Variants in ALK observed in about 807,000 individuals in gnomAD.
ALK encodes ALK tyrosine kinase receptor.
Under a neutral mutation model 163.1 loss-of-function variants are expected in ALK, and 74 were observed. That is an observed-to-expected ratio of 0.45 (90% confidence interval 0.38 to 0.55). ALK has a LOEUF of 0.55. ALK is among the 20% of genes least tolerant of loss of function. The pLI is 0.00. For synonymous variants in ALK, 960 were observed against 843.2 expected (o/e 1.14, Z -2.40); for missense variants, 2,063 against 2,105.3 (o/e 0.98, Z 0.39).
rs142120301 is a variant in ALK at position 29,717,673 on chromosome 2, G to C, written c.692C>G (p.Thr231Arg). ...GTGHSSLESP[T>R]NMPSPSPDYF... ...ATCAGGAGAAGGAGAAGGCATGTTTGTTGGTGATTCCAAGGAGCTATGACC... is the reference window on the plus strand; with the variant it reads ...ATCAGGAGAAGGAGAAGGCATGTTTCTTGGTGATTCCAAGGAGCTATGACC... Residue 231 changes from threonine (T) to arginine (R), a missense_variant, in exon 2 of 29, where the codon ACA (threonine) becomes AGA (arginine). Physicochemically the swap from Thr to Arg is moderately conservative, Grantham distance 71. Around this residue, in one of 5 missense-constraint regions of ALK, gnomAD observed 987 missense variants for 939.5 expected, o/e 1.05. Coordinates refer to ENST00000389048, the MANE Select transcript of ALK (RefSeq NM_004304.5). The C allele has an allele frequency of 2.1e-5, 34 of 1,614,124 alleles. No individual in the cohort carries two copies. The African/African-American group carries it at 3.6e-4, about 17-fold the overall frequency.
chr2:29,294,373 A>G (rs1172223398), intron 9 of ALK, among the ~76,000 whole-genome samples: 2 of 152,218 alleles, frequency 1.3e-5, no homozygotes, highest in African/African-American at 2.4e-5. Context: ...TAAGGGTTGG[A>G]TGACTGGTTA....
intron 5 of ALK, among the ~76,000 whole-genome samples, chr2:29,360,399 G>C (rs1668359122): frequency 1.3e-5 from 2 of 152,134 alleles, no homozygotes; most frequent in African/African-American, 4.8e-5. Context: ...TCCTGTCCCT[G>C]GTCTAGCCTC....
intron 25 of ALK, among the ~76,000 whole-genome samples, chr2:29,208,507 TA>T (rs560792374): frequency 2.0e-5 from 3 of 152,118 alleles, no homozygotes; most frequent in African/African-American, 7.2e-5. Context: ...AGCTTGTGGG[TA>T]GTGTTAGAAG....
chr2:29,603,478 G>T (rs1675434448), intron 3 of ALK, among the ~76,000 whole-genome samples: 1 of 152,172 alleles, frequency 6.6e-6, no homozygotes, highest in Admixed American at 6.5e-5. Flanking sequence ...TGTTTTGTCA[G>T]CCTTCAGGTC....
intron 1 of ALK, among the ~76,000 whole-genome samples, chr2:29,863,499 CAATAAG>C (rs1224939302): frequency 1.4e-4 from 21 of 151,320 alleles, no homozygotes; most frequent in African/African-American, 4.6e-4. Context: ...TACAAATGGC[CAATAAG>C]AATATTTTTT....
intron 3 of ALK, among the ~76,000 whole-genome samples, chr2:29,575,476 G>T (rs1298881315): frequency 6.6e-6 from 1 of 152,114 alleles, no homozygotes; most frequent in South Asian, 2.1e-4. Context: ...CTAAAGGATG[G>T]CTATAGCTCT....
chr2:29,328,585 C>G, intron 5 of ALK, 104 bp from the exon 6 acceptor site: 1 of 1,469,660 alleles, frequency 6.8e-7, no homozygotes, highest in South Asian at 1.2e-5. Context: ...ACAGCATTAT[C>G]CTGCCCTGCC....
rs1429536497 is a variant in ALK at position 29,724,435 on chromosome 2, C to T, written c.668-6738G>A. ...CAGCTCTCAGAGAGTACAGGGCAGGCCTGTTTTTGGGACTGGCAGCCCAGG... is the reference window on the plus strand; with the variant it reads ...CAGCTCTCAGAGAGTACAGGGCAGGTCTGTTTTTGGGACTGGCAGCCCAGG... On this transcript the variant is annotated intron_variant, in intron 1 of 28. Coordinates refer to ENST00000389048, the MANE Select transcript of ALK (RefSeq NM_004304.5). 2.6e-5 allele frequency among the ~76,000 whole-genome samples: 4 copies of T among 152,126 alleles called. No homozygotes were observed. In the East Asian group the frequency reaches 5.8e-4, roughly 22 times the overall value.
intron 13 of ALK, among the ~76,000 whole-genome samples, chr2:29,233,925 G>A (rs1664295196): frequency 6.6e-6 from 1 of 152,240 alleles, no homozygotes; most frequent in Admixed American, 6.5e-5. Flanking sequence ...GAGAGAGAGA[G>A]CAAGGTTTTA....
intron 16 of ALK, among the ~76,000 whole-genome samples, chr2:29,228,369 C>T (rs1420458799): frequency 6.6e-6 from 1 of 152,208 alleles, no homozygotes; most frequent in Non-Finnish European, 1.5e-5. Flanking sequence ...CCAGACGAGG[C>T]AGCTGGGGTC....
intron 2 of ALK, among the ~76,000 whole-genome samples, chr2:29,707,512 A>G (rs1337628940): frequency 6.6e-6 from 1 of 152,240 alleles, no homozygotes. Flanking sequence ...TGCATCTTGA[A>G]GGATGAAACA....
intron 3 of ALK, among the ~76,000 whole-genome samples, chr2:29,552,977 G>A (rs1031998332): frequency 6.6e-6 from 1 of 152,132 alleles, no homozygotes; most frequent in African/African-American, 2.4e-5. Flanking sequence ...TGTGCCATAT[G>A]CTGAGAAAGC....
intron 4 of ALK, among the ~76,000 whole-genome samples, chr2:29,466,920 G>A (rs1671227290): frequency 6.6e-6 from 1 of 152,174 alleles, no homozygotes; most frequent in Non-Finnish European, 1.5e-5. Context: ...TTGTTGATGG[G>A]TTATTATGAT....
chr2:29,830,713 T>TAAAAAAAAAAAAA (rs530774574), intron 1 of ALK, among the ~76,000 whole-genome samples: 2 of 28,966 alleles, frequency 6.9e-5, no homozygotes, highest in African/African-American at 1.1e-4. Flanking sequence ...TAAAATAGTT[T>TAAAAAAAAAAAAA]AAAAAAAAAA....
intron 1 of ALK, among the ~76,000 whole-genome samples, chr2:29,869,788 T>C (rs1020399021): frequency 6.6e-6 from 1 of 152,008 alleles, no homozygotes; most frequent in South Asian, 2.1e-4. Context: ...GAAAATAAAC[T>C]AAAAACTGTA....
At chr2:29,299,229 C>T (rs1003735428) in intron 8 of ALK, among the ~76,000 whole-genome samples, 3 of 152,200 alleles carry the variant, frequency 2.0e-5, no homozygotes, top group Non-Finnish European at 2.9e-5. Flanking sequence ...TTCTCTCTTC[C>T]GAATTCTCTT....
At chr2:29,640,594 C>T (rs1425637330) in intron 3 of ALK, among the ~76,000 whole-genome samples, 7 of 152,128 alleles carry the variant, frequency 4.6e-5, no homozygotes, top group Non-Finnish European at 8.8e-5. Flanking sequence ...CCTGCAGAAC[C>T]GTGAGCCATT....
chr2:29,685,003 C>T (rs1309550712), intron 3 of ALK, among the ~76,000 whole-genome samples: 1 of 152,226 alleles, frequency 6.6e-6, no homozygotes, highest in Non-Finnish European at 1.5e-5. Flanking sequence ...ACTCAGCTTC[C>T]TCTCTTTGAA....
At chr2:29,302,987 T>C (rs777391698) in intron 8 of ALK, among the ~76,000 whole-genome samples, 21 of 152,210 alleles carry the variant, frequency 1.4e-4, no homozygotes, top group Non-Finnish European at 2.8e-4. Context: ...ACTAAGACCA[T>C]AAAAGCAAAT....
Sources: allele counts gnomAD v4.1 joint callset (sites outside exome capture counted in the v4.1 genomes callset), GRCh38; gene constraint gnomAD v4.1.1; regional missense constraint gnomAD v4.1.1; transcripts MANE v1.5; gene names NCBI Gene and HGNC (gene_info 2026-07-23, HGNC 2026-07-21).